Variants in ETV1 observed in about 807,000 individuals in gnomAD.
ETV1 encodes ETS translocation variant 1.
A neutral mutation model predicts 62.3 loss-of-function variants in ETV1; 27 were observed. The ratio of observed to expected loss-of-function variants is 0.43; its 90% CI spans 0.32 to 0.60. The LOEUF is 0.60. ETV1 is among the 20% of genes least tolerant of loss of function. The pLI is 0.06. For missense variants in ETV1, 605 were observed against 605.8 expected (o/e 1.00, Z 0.01); for synonymous variants, 222 against 199.6 (o/e 1.11, Z -0.94).
chr7:13,912,581 C>A (rs1171984490), intron 9 of ETV1, among the ~76,000 whole-genome samples: 3 of 152,218 alleles, frequency 2.0e-5, no homozygotes, highest in African/African-American at 7.2e-5. Context: ...AACTTGTGAA[C>A]TCAAAAAAGC....
chr7:13,983,331 T>A (rs192778816), intron 5 of ETV1, among the ~76,000 whole-genome samples: 1 of 152,006 alleles, frequency 6.6e-6, no homozygotes, highest in Non-Finnish European at 1.5e-5. Flanking sequence ...AGAAGCAAAT[T>A]TGGAAGAATA....
chr7:13,935,616 T>C (rs1172491862), intron 8 of ETV1, 92 bp downstream of exon 8: 1 of 1,084,802 alleles, frequency 9.2e-7, no homozygotes, highest in Non-Finnish European at 1.4e-6. Flanking sequence ...TAGGCTCACC[T>C]TAAATCTACT....
At chr7:13,935,086 A>T (rs752142388) in intron 8 of ETV1, among the ~76,000 whole-genome samples, 4 of 152,216 alleles carry the variant, frequency 2.6e-5, no homozygotes, top group Non-Finnish European at 5.9e-5. Flanking sequence ...GTCATGAATT[A>T]CCTAACGCAG....
Position 13,988,071 on chromosome 7 carries a change from A to C in ETV1, c.133+15T>G. ...AGGTAAAAAAATGGGGATTCAGCCC[A>C]AAATCAAACCTCACCTTCTGAATCA... On this transcript the variant is annotated intron_variant, in intron 4 of 13. Transcript: ENST00000430479. 1.3e-6 allele frequency: 2 copies of C among 1,566,180 alleles called. No individual in the cohort carries two copies. The highest frequency in any genetic ancestry group is 8.8e-7 in the Non-Finnish European group (1 of 1,136,302).
Position 13,986,627 on chromosome 7 carries a change from T to A in ETV1, c.181+11A>T. On this transcript the variant is annotated intron_variant, in intron 5 of 13. Transcript: ENST00000430479. ...TTGCTTTCCCCCCTTTTAAAGCAAA[T>A]TTTGCCTTACCTTCTGCAAGCCATG... The A allele has an allele frequency of 1.9e-6, 3 of 1,611,952 alleles. No individual in the cohort carries two copies. The highest frequency in any genetic ancestry group is 2.5e-6 in the Non-Finnish European group (3 of 1,178,960).
At chr7:13,979,859 G>C (rs1781817085) in intron 5 of ETV1, among the ~76,000 whole-genome samples, 1 of 152,104 alleles carries the variant, frequency 6.6e-6, no homozygotes, top group Admixed American at 6.6e-5. Flanking sequence ...AGCATCGTAA[G>C]CAGATTTGCA....
chr7:13,960,946 G>A (rs778704365), intron 6 of ETV1, among the ~76,000 whole-genome samples: 9 of 151,968 alleles, frequency 5.9e-5, no homozygotes, highest in African/African-American at 9.7e-5. Context: ...GTTCAAGACC[G>A]CTAGGTAACA....
chr7:13,914,137 G>C (rs1420474809), intron 9 of ETV1, among the ~76,000 whole-genome samples: 1 of 151,394 alleles, frequency 6.6e-6, no homozygotes, highest in East Asian at 2.0e-4. Flanking sequence ...CACCCGCCTC[G>C]GCCTCCCAAA....
chr7:13,979,441 C>T (rs1000708194), intron 5 of ETV1, among the ~76,000 whole-genome samples: 6 of 151,790 alleles, frequency 4.0e-5, no homozygotes, highest in Non-Finnish European at 7.4e-5. Context: ...ATTAACACAA[C>T]ATATTTTTTT....
At chr7:13,975,562 C>CAAAAAAAAAAAA (rs765452116) in intron 6 of ETV1, among the ~76,000 whole-genome samples, 1 of 41,154 alleles carries the variant, frequency 2.4e-5, no homozygotes, top group African/African-American at 8.8e-5. Context: ...GACTCTGTCT[C>CAAAAAAAAAAAA]AAAAAAAAAA....
intron 5 of ETV1, among the ~76,000 whole-genome samples, chr7:13,983,955 A>G (rs1475309442): frequency 6.6e-6 from 1 of 151,868 alleles, no homozygotes; most frequent in East Asian, 1.9e-4. Flanking sequence ...ATAATCCATA[A>G]TAATTACCCA....
chr7:13,951,968 C>A (rs915116755), intron 6 of ETV1, among the ~76,000 whole-genome samples: 2 of 152,256 alleles, frequency 1.3e-5, no homozygotes, highest in African/African-American at 4.8e-5. Context: ...GAGCTTCAAG[C>A]CATCAGATGT....
At chr7:13,906,356 A>G (rs1583578371) in intron 12 of ETV1, 74 bp downstream of exon 12, 2 of 973,018 alleles carry the variant, frequency 2.1e-6, no homozygotes, top group Non-Finnish European at 2.9e-6. Flanking sequence ...CATTTTTGGT[A>G]TATTAATCAA....
At chr7:13,948,003 T>C (rs1421587117) in intron 6 of ETV1, among the ~76,000 whole-genome samples, 1 of 152,224 alleles carries the variant, frequency 6.6e-6, no homozygotes, top group African/African-American at 2.4e-5. Context: ...ATGACCTTAG[T>C]ACTATATTCT....
chr7:13,962,538 C>A (rs113448336), intron 6 of ETV1, among the ~76,000 whole-genome samples: 3,840 of 152,184 alleles, frequency 0.025, 163 homozygotes, highest in African/African-American at 0.086. Flanking sequence ...AATTTCAGCA[C>A]ATTAGCAAAT....
At chr7:13,988,877 C>T in intron 3 of ETV1, 131 bp downstream of exon 3, 1 of 1,564,936 alleles carries the variant, frequency 6.4e-7, no homozygotes, top group Non-Finnish European at 8.7e-7. Flanking sequence ...CAGAGTCGCC[C>T]TACAGTGGCA....
intron 11 of ETV1, among the ~76,000 whole-genome samples, chr7:13,909,119 C>T (rs1170193709): frequency 1.4e-5 from 2 of 138,674 alleles, no homozygotes; most frequent in Non-Finnish European, 3.1e-5. Context: ...ACATTAGTAA[C>T]ATACATCTTC....
At chr7:13,898,250 G>A (rs901845734) in intron 13 of ETV1, among the ~76,000 whole-genome samples, 2 of 152,104 alleles carry the variant, frequency 1.3e-5, no homozygotes, top group African/African-American at 4.8e-5. Flanking sequence ...AGAAAAAACA[G>A]GAATTTTTCC....
At chr7:13,957,756 G>T (rs575956458) in intron 6 of ETV1, among the ~76,000 whole-genome samples, 38 of 152,170 alleles carry the variant, frequency 2.5e-4, no homozygotes, top group Non-Finnish European at 5.3e-4. Context: ...ACACAAAGAA[G>T]ATTTATACAG....
Sources: allele counts gnomAD v4.1 joint callset (sites outside exome capture counted in the v4.1 genomes callset), GRCh38; gene constraint gnomAD v4.1.1; transcripts MANE v1.5; gene names NCBI Gene and HGNC (gene_info 2026-07-23, HGNC 2026-07-21).